COP1: variants seen among roughly 807,000 people sequenced by gnomAD.
The protein encoded by COP1 is COP1 E3 ubiquitin ligase.
A neutral mutation model predicts 101.3 loss-of-function variants in COP1; 24 were observed. The ratio of observed to expected loss-of-function variants is 0.24; its 90% CI spans 0.17 to 0.33. The LOEUF (loss-of-function observed/expected upper bound fraction) is 0.33, where lower values mean the gene tolerates loss of function less well. COP1 is among the 10% of genes least tolerant of loss of function. The pLI is 1.00. For missense variants in COP1, 663 were observed against 906.2 expected (o/e 0.73, Z 3.45); for synonymous variants, 347 against 341.9 (o/e 1.01, Z -0.17).
chr1:175,947,835 A>G (rs985681458), intron 18 of COP1, among the ~76,000 whole-genome samples: 6 of 152,234 alleles, frequency 3.9e-5, no homozygotes, highest in Non-Finnish European at 8.8e-5. Context: ...AAGCCAAAAG[A>G]AACAAAGACT....
chr1:176,020,703 G>C (rs1272800994), intron 15 of COP1, among the ~76,000 whole-genome samples: 1 of 152,154 alleles, frequency 6.6e-6, no homozygotes, highest in Admixed American at 6.5e-5. Flanking sequence ...AAATTATATT[G>C]TGGGCTTTAT....
At chr1:176,054,818 C>A (rs1159206838) in intron 11 of COP1, among the ~76,000 whole-genome samples, 1 of 152,132 alleles carries the variant, frequency 6.6e-6, no homozygotes, top group Non-Finnish European at 1.5e-5. Flanking sequence ...ATTCCTATAT[C>A]TATTTTAGCT....
chr1:176,033,599 T>C (rs1668996144), intron 14 of COP1, among the ~76,000 whole-genome samples: 1 of 152,170 alleles, frequency 6.6e-6, no homozygotes, highest in African/African-American at 2.4e-5. Context: ...AGGTTACATA[T>C]TTAAAAAGGA....
intron 6 of COP1, among the ~76,000 whole-genome samples, chr1:176,144,147 T>A (rs1691202096): frequency 6.6e-6 from 1 of 152,018 alleles, no homozygotes; most frequent in African/African-American, 2.4e-5. Context: ...GATATAAGGA[T>A]CATAAAGAAT....
At chr1:175,948,794 A>G (rs1161265726) in intron 18 of COP1, among the ~76,000 whole-genome samples, 1 of 152,180 alleles carries the variant, frequency 6.6e-6, no homozygotes, top group Non-Finnish European at 1.5e-5. Flanking sequence ...AAGAAGAAAT[A>G]AAGACATGTG....
In COP1 at chr1:175,952,348, C is replaced by G. The variant is rs560448445; in HGVS notation, c.2134-5109G>C. ...GAGGTGGGAGAATCGCTTGAACCTG[C>G]GAGGCAGAGGTTGCAGTGAGCCAAG... On this transcript the variant is annotated intron_variant, in intron 18 of 19. Coordinates refer to ENST00000367669, the MANE Select transcript of COP1 (RefSeq NM_022457.7). 2.7e-5 allele frequency among the ~76,000 whole-genome samples: 4 copies of G among 148,848 alleles called. No homozygotes were observed. In the Admixed American group the frequency reaches 2.7e-4, roughly 10 times the overall value.
intron 11 of COP1, among the ~76,000 whole-genome samples, chr1:176,063,026 G>C (rs977350124): frequency 6.7e-6 from 1 of 148,784 alleles, no homozygotes; most frequent in Admixed American, 6.7e-5. Flanking sequence ...GCAAGTGGTG[G>C]AAGAGAAAAT....
At position 176,072,310 on chromosome 1, in the gene COP1, A is replaced by G. The variant is rs142488834; in HGVS notation, c.1277+8842T>C. 2.6e-3 allele frequency among the ~76,000 whole-genome samples: 401 copies of G among 152,316 alleles called. 3 individuals carry two copies. Among genetic ancestry groups the G allele is most frequent in the African/African-American group, 9.2e-3 (383 of 41,578 alleles). ...GATCCTCTCCCAGCAGGTAAAACAA[A>G]TTTTCATTCATTCATGCATTCATTT... On this transcript the variant is annotated intron_variant, in intron 11 of 19. Coordinates refer to ENST00000367669, the MANE Select transcript of COP1 (RefSeq NM_022457.7).
chr1:176,181,926 A>T (rs115628706), intron 2 of COP1, among the ~76,000 whole-genome samples: 288 of 152,242 alleles, frequency 1.9e-3, no homozygotes, highest in African/African-American at 6.7e-3. Context: ...TATAATAAGG[A>T]TCTAAGCCTA....
In COP1 at chr1:176,189,002, C is replaced by A. The variant is rs142197782; in HGVS notation, c.408-4310G>T. ...AAATCATTTTTAAAATAACAAAATA[C>A]ATCAAACCACAGATCTAAGAAACTC... On this transcript the variant is annotated intron_variant, in intron 1 of 19. Coordinates refer to ENST00000367669, the MANE Select transcript of COP1 (RefSeq NM_022457.7). 8.5e-5 allele frequency among the ~76,000 whole-genome samples: 13 copies of A among 152,230 alleles called. 1 individual carries two copies. Among genetic ancestry groups the A allele is most frequent in the African/African-American group, 3.1e-4 (13 of 41,546 alleles).
chr1:176,073,417 C>A (rs1007713887), intron 11 of COP1, among the ~76,000 whole-genome samples: 4 of 152,110 alleles, frequency 2.6e-5, no homozygotes, highest in Admixed American at 2.0e-4. Context: ...TTTACCATAA[C>A]AATCTAGTTG....
intron 3 of COP1, among the ~76,000 whole-genome samples, chr1:176,171,212 T>C (rs966304556): frequency 3.3e-5 from 5 of 152,150 alleles, no homozygotes; most frequent in African/African-American, 9.7e-5. Context: ...CAATGATTTT[T>C]ACCTAGATCT....
At chr1:176,067,888 C>G (rs1170197310) in intron 11 of COP1, among the ~76,000 whole-genome samples, 1 of 152,232 alleles carries the variant, frequency 6.6e-6, no homozygotes, top group Non-Finnish European at 1.5e-5. Flanking sequence ...AGAGCCCACG[C>G]TCCCACGATC....
At chr1:176,163,740 C>T in intron 4 of COP1, 75 bp downstream of exon 4, 1 of 907,968 alleles carries the variant, frequency 1.1e-6, no homozygotes, top group South Asian at 1.7e-5. Flanking sequence ...TAAACTTTAA[C>T]ATCTAACTAA....
intron 8 of COP1, among the ~76,000 whole-genome samples, chr1:176,121,294 T>C (rs537599189): frequency 8.5e-5 from 13 of 152,192 alleles, no homozygotes; most frequent in Admixed American, 7.2e-4. Context: ...ACCAAAATTG[T>C]TGTGGCCCCA....
At chr1:176,078,987 A>G (rs561480348) in intron 11 of COP1, among the ~76,000 whole-genome samples, 29 of 152,138 alleles carry the variant, frequency 1.9e-4, no homozygotes, top group Non-Finnish European at 4.0e-4. Context: ...TCAAAAAATA[A>G]CAGATACTGG....
intron 11 of COP1, among the ~76,000 whole-genome samples, chr1:176,054,009 C>T (rs1673016354): frequency 6.6e-6 from 1 of 152,124 alleles, no homozygotes; most frequent in South Asian, 2.1e-4. Flanking sequence ...TTCATGATCA[C>T]TATCCTTAAG....
intron 6 of COP1, among the ~76,000 whole-genome samples, chr1:176,145,426 T>A (rs1358281010): frequency 2.0e-5 from 3 of 152,134 alleles, no homozygotes. Flanking sequence ...TAATACAACT[T>A]GTTTTGAAAA....
intron 1 of COP1, among the ~76,000 whole-genome samples, chr1:176,195,609 A>G (rs977675041): frequency 1.3e-5 from 2 of 152,246 alleles, no homozygotes; most frequent in African/African-American, 4.8e-5. Context: ...AATATCATAC[A>G]AACTATATTA....
Sources: allele counts gnomAD v4.1 joint callset (sites outside exome capture counted in the v4.1 genomes callset), GRCh38; gene constraint gnomAD v4.1.1; transcripts MANE v1.5; gene names NCBI Gene and HGNC (gene_info 2026-07-23, HGNC 2026-07-21).